Variants in PREX2 observed in about 807,000 individuals in gnomAD.
PREX2 encodes phosphatidylinositol 3,4,5-trisphosphate-dependent Rac exchanger 2 protein.
In PREX2, 107 loss-of-function variants were observed where a neutral mutation model predicts 203.2. The ratio of observed to expected loss-of-function variants is 0.53; its 90% CI spans 0.45 to 0.62. The LOEUF is 0.62. Ranked by LOEUF, PREX2 falls within the 20% of genes least tolerant of loss-of-function variation. PREX2 has a pLI of 0.00. For synonymous variants in PREX2, 672 were observed against 663.6 expected, an observed-to-expected ratio of 1.01 and a Z score of -0.19; for missense variants, 1,777 against 1,955.9, an observed-to-expected ratio of 0.91 and a Z score of 1.72.
At position 68,202,290 on chromosome 8, in the gene PREX2, G is replaced by A. The variant is rs117093309; in HGVS notation, c.4604+9765G>A. Among the ~76,000 whole-genome samples the A allele has an allele frequency of 1.7e-3, 257 of 152,222 alleles. 3 individuals are homozygous for A. The East Asian group carries it at 0.042, about 25-fold the overall frequency. On this transcript the variant is annotated intron_variant, in intron 37 of 39. Transcript: ENST00000288368. ...ATGGCTGGAGGACACAGGAAATCCT[G>A]TGCTCTTGCTGGGTGGTCAAGTGAG...
chr8:68,002,828 C>T (rs1344137005), intron 1 of PREX2, among the ~76,000 whole-genome samples: 1 of 152,092 alleles, frequency 6.6e-6, no homozygotes, highest in East Asian at 1.9e-4. Flanking sequence ...GACCCAGGAG[C>T]TTCAGAAAAG....
chr8:67,987,772 G>A (rs1806478062), intron 1 of PREX2, among the ~76,000 whole-genome samples: 1 of 152,130 alleles, frequency 6.6e-6, no homozygotes, highest in Non-Finnish European at 1.5e-5. Flanking sequence ...ATCTGTCTAG[G>A]ATACCCTCCA....
chr8:67,970,502 G>A (rs1805897225), intron 1 of PREX2, among the ~76,000 whole-genome samples: 1 of 152,056 alleles, frequency 6.6e-6, no homozygotes, highest in Non-Finnish European at 1.5e-5. Context: ...TTCAAATAAA[G>A]CCTAATCACT....
At chr8:68,098,936 GTGTATATA>G (rs1219535417) in intron 22 of PREX2, among the ~76,000 whole-genome samples, 952 of 74,856 alleles carry the variant, frequency 0.013, 12 homozygotes, top group African/African-American at 0.038. Flanking sequence ...ACATATATAT[GTGTATATA>G]TATATATATA....
At chr8:68,020,435 CAATT>C (rs916168593) in intron 3 of PREX2, among the ~76,000 whole-genome samples, 4 of 150,642 alleles carry the variant, frequency 2.7e-5, no homozygotes, top group African/African-American at 9.8e-5. Context: ...AAATGCTAGA[CAATT>C]AATGTTTTGT....
chr8:68,226,249 G>A (rs1813054952), intron 39 of PREX2, among the ~76,000 whole-genome samples: 1 of 152,158 alleles, frequency 6.6e-6, no homozygotes, highest in African/African-American at 2.4e-5. Flanking sequence ...CCCAAGGAGA[G>A]TATAAACCTG....
chr8:68,112,438 G>A (rs1436068274), intron 25 of PREX2, among the ~76,000 whole-genome samples: 2 of 152,126 alleles, frequency 1.3e-5, no homozygotes, highest in Non-Finnish European at 2.9e-5. Context: ...TCAGGATTGA[G>A]TGGTGAACAA....
chr8:68,143,939 A>G (rs1176796552), intron 33 of PREX2, among the ~76,000 whole-genome samples: 2 of 152,142 alleles, frequency 1.3e-5, no homozygotes, highest in East Asian at 3.8e-4. Context: ...CATTTGTTGA[A>G]AAGACTTATC....
At chr8:68,198,949 G>A (rs2129614845) in intron 37 of PREX2, among the ~76,000 whole-genome samples, 1 of 152,352 alleles carries the variant, frequency 6.6e-6, no homozygotes, top group South Asian at 2.1e-4. Context: ...TCTGAATAGT[G>A]TGTGATGTCT....
chr8:68,192,522 A>G lies in PREX2; in HGVS notation c.4601A>G (p.His1534Arg). 6.2e-7 allele frequency: 1 copy of G among 1,609,098 alleles called. No homozygotes were observed. The highest frequency in any genetic ancestry group is 8.5e-7 in the Non-Finnish European group (1 of 1,177,970). Residue 1534 changes from histidine (H) to arginine (R), a missense_variant, in exon 37 of 40, where the codon CAT becomes CGT. Transcript: ENST00000288368. ...ATCATCATGTGCAGCAGCGGTGTGC[A>G]TCGGTATGTGACCCTCCCGCCTTGC... ...CHIIMCSSGV[H>R]RCTLSVTLEQ...
At chr8:68,069,634 C>G (rs1489744688) in intron 12 of PREX2, among the ~76,000 whole-genome samples, 1 of 128,212 alleles carries the variant, frequency 7.8e-6, no homozygotes, top group Non-Finnish European at 1.7e-5. Flanking sequence ...GAATTTATAG[C>G]ACAATTTTAA....
chr8:68,028,441 T>C (rs1807793635), intron 5 of PREX2, among the ~76,000 whole-genome samples: 1 of 152,118 alleles, frequency 6.6e-6, no homozygotes, highest in East Asian at 1.9e-4. Context: ...AGTATTTTTA[T>C]TGATTTGCTT....
chr8:68,139,090 T>A (rs1279324786), intron 33 of PREX2, among the ~76,000 whole-genome samples: 6 of 152,160 alleles, frequency 3.9e-5, no homozygotes, highest in Admixed American at 1.3e-4. Context: ...ACTAAACAGA[T>A]AGATATCTCT....
chr8:68,204,678 C>CTTCTTTCTT (rs1812575551), intron 37 of PREX2, among the ~76,000 whole-genome samples: 1 of 83,428 alleles, frequency 1.2e-5, no homozygotes, highest in Non-Finnish European at 2.2e-5. Context: ...TTTCTTCTTT[C>CTTCTTTCTT]TTTTTTTTTT....
In PREX2 at chr8:68,109,439, A is replaced by G. The variant is rs759792838; in HGVS notation, c.2962A>G (p.Ile988Val). 3.7e-6 allele frequency: 6 copies of G among 1,613,858 alleles called. No individual in the cohort carries two copies. The South Asian group carries it at 6.6e-5, about 18-fold the overall frequency. ...AGGGAAACTGAGCCCTATGGTGTACATTCAGCACACCATCACAACCATGGC... is the reference window on the plus strand; with the variant it reads ...AGGGAAACTGAGCCCTATGGTGTACGTTCAGCACACCATCACAACCATGGC... ...EQGKLSPMVYIQHTITTMAAP... is the reference protein window; with the variant it reads ...EQGKLSPMVYVQHTITTMAAP... Residue 988 changes from isoleucine (I) to valine (V), a missense_variant, in exon 25 of 40, where the codon ATT becomes GTT. By Grantham distance (29) the Ile-to-Val change is conservative (BLOSUM62 3). Transcript: ENST00000288368.
At chr8:68,167,233 C>T in intron 35 of PREX2, among the ~76,000 whole-genome samples, 1 of 152,136 alleles carries the variant, frequency 6.6e-6, no homozygotes, top group Non-Finnish European at 1.5e-5. Context: ...AAAAAAGTCA[C>T]AAACTCCTCA....
intron 5 of PREX2, 55 bp from the exon 6 acceptor site, chr8:68,030,442 G>C (rs772831802): frequency 5.1e-6 from 8 of 1,574,732 alleles, no homozygotes; most frequent in Non-Finnish European, 6.9e-6. Context: ...GTCTGAACCT[G>C]CTGTACCAGA....
At chr8:68,229,129 AC>A (rs552049974) in intron 39 of PREX2, among the ~76,000 whole-genome samples, 5 of 152,076 alleles carry the variant, frequency 3.3e-5, no homozygotes, top group Non-Finnish European at 7.4e-5. Flanking sequence ...CTTTCACATA[AC>A]TTTTATTGTT....
chr8:68,213,024 G>A (rs752437787), intron 37 of PREX2, among the ~76,000 whole-genome samples: 1 of 152,024 alleles, frequency 6.6e-6, no homozygotes, highest in Non-Finnish European at 1.5e-5. Context: ...ATGACCTCTG[G>A]CCCTGCACCT....
Sources: allele counts gnomAD v4.1 joint callset (sites outside exome capture counted in the v4.1 genomes callset), GRCh38; gene constraint gnomAD v4.1.1; transcripts MANE v1.5; gene names NCBI Gene and HGNC (gene_info 2026-07-23, HGNC 2026-07-21).